Variants in FILIP1L observed in about 807,000 individuals in gnomAD.
The protein encoded by FILIP1L is filamin A-interacting protein 1-like.
In FILIP1L, 55 loss-of-function variants were observed where a neutral mutation model predicts 96.6. The ratio of observed to expected loss-of-function variants is 0.57; its 90% confidence interval spans 0.46 to 0.71. FILIP1L has a LOEUF of 0.71. Among genes scored for constraint, FILIP1L ranks in the 30% least tolerant of loss-of-function variants. The pLI is 0.00. For missense variants in FILIP1L, 1,304 were observed against 1,321.2 expected, an observed-to-expected ratio of 0.99 and a Z score of 0.20; for synonymous variants, 467 against 473.9, an observed-to-expected ratio of 0.99 and a Z score of 0.19.
intron 1 of FILIP1L, among the ~76,000 whole-genome samples, chr3:99,977,707 A>G (rs564764192): frequency 5.9e-5 from 9 of 152,206 alleles, no homozygotes; most frequent in Non-Finnish European, 1.3e-4. Flanking sequence ...TATCAGAAAA[A>G]TAAGAGAATG....
chr3:99,955,917 T>C (rs770984909), intron 1 of FILIP1L, among the ~76,000 whole-genome samples: 3 of 152,190 alleles, frequency 2.0e-5, no homozygotes, highest in Non-Finnish European at 2.9e-5. Context: ...ATAACCTATG[T>C]AGACTTCTTA....
intron 1 of FILIP1L, among the ~76,000 whole-genome samples, chr3:100,014,901 T>TA: frequency 7.0e-6 from 1 of 141,912 alleles, no homozygotes; most frequent in Non-Finnish European, 1.5e-5. Context: ...CTTTCTTTTT[T>TA]TTTTTTTTTT....
At chr3:99,886,662 A>C (rs1228189257) in intron 4 of FILIP1L, among the ~76,000 whole-genome samples, 1 of 152,202 alleles carries the variant, frequency 6.6e-6, no homozygotes, top group African/African-American at 2.4e-5. Context: ...TTTTAAAAAT[A>C]TCAGTTAGGT....
chr3:99,930,703 G>A, intron 2 of FILIP1L, 66 bp downstream of exon 2: 1 of 1,561,272 alleles, frequency 6.4e-7, no homozygotes, highest in Non-Finnish European at 8.8e-7. Flanking sequence ...TGTGGCAGCA[G>A]GAACACCAAA....
intron 1 of FILIP1L, among the ~76,000 whole-genome samples, chr3:100,073,812 AT>A (rs1195872040): frequency 6.6e-6 from 1 of 152,154 alleles, no homozygotes; most frequent in Non-Finnish European, 1.5e-5. Context: ...GGAGGGCTTT[AT>A]TAAGAATCTT....
intron 1 of FILIP1L, among the ~76,000 whole-genome samples, chr3:100,014,332 A>G (rs573139942): frequency 1.3e-5 from 2 of 152,138 alleles, no homozygotes; most frequent in East Asian, 3.9e-4. Flanking sequence ...CAAGATACTT[A>G]TTTCATTTCT....
chr3:100,091,979 T>C (rs1384975218), intron 1 of FILIP1L, among the ~76,000 whole-genome samples: 2 of 152,218 alleles, frequency 1.3e-5, no homozygotes, highest in Non-Finnish European at 2.9e-5. Context: ...CAGCTATCTG[T>C]CCTAGGGCAA....
intron 3 of FILIP1L, among the ~76,000 whole-genome samples, chr3:99,929,649 A>G (rs1037943057): frequency 1.2e-4 from 19 of 152,110 alleles, no homozygotes; most frequent in Non-Finnish European, 2.8e-4. Flanking sequence ...GGTTGATTCA[A>G]GCAACAAACC....
intron 4 of FILIP1L, among the ~76,000 whole-genome samples, chr3:99,870,854 G>A (rs1944754036): frequency 6.6e-6 from 1 of 152,188 alleles, no homozygotes; most frequent in Non-Finnish European, 1.5e-5. Flanking sequence ...TGCCCCGTAA[G>A]TGCATCTTCC....
At chr3:100,111,722 T>C (rs746529828) in intron 1 of FILIP1L, among the ~76,000 whole-genome samples, 2 of 152,236 alleles carry the variant, frequency 1.3e-5, no homozygotes, top group African/African-American at 2.4e-5. Flanking sequence ...ACTTCCTGTC[T>C]GACCCAATTC....
At chr3:100,054,279 A>T (rs1395966280) in intron 1 of FILIP1L, among the ~76,000 whole-genome samples, 1 of 152,116 alleles carries the variant, frequency 6.6e-6, no homozygotes, top group Non-Finnish European at 1.5e-5. Flanking sequence ...TGGTTTTTTG[A>T]AAGAACATGA....
intron 1 of FILIP1L, among the ~76,000 whole-genome samples, chr3:99,947,186 G>T (rs1187869397): frequency 6.6e-6 from 1 of 150,808 alleles, no homozygotes; most frequent in African/African-American, 2.4e-5. Flanking sequence ...CTGAAAAATG[G>T]GGAAGCAGGC....
At chr3:99,897,669 T>C (rs1412821364) in intron 4 of FILIP1L, among the ~76,000 whole-genome samples, 1 of 152,152 alleles carries the variant, frequency 6.6e-6, no homozygotes, top group Non-Finnish European at 1.5e-5. Flanking sequence ...AAAATTGTGT[T>C]TTTGAGATTT....
At chr3:100,066,295 A>C (rs1027645265) in intron 1 of FILIP1L, among the ~76,000 whole-genome samples, 1 of 152,196 alleles carries the variant, frequency 6.6e-6, no homozygotes, top group Non-Finnish European at 1.5e-5. Flanking sequence ...CTCATTTATA[A>C]AACCTCTTAC....
Position 100,080,124 on chromosome 3 carries a change from T to G in FILIP1L, c.-11+33929A>C, listed in dbSNP as rs570473887. The stretch of plus-strand genomic sequence containing the variant: ...TCTGCTGAAATAAGCTATTTTTCTT[T>G]TCTTTAATTAATAAAAAATTAAAAA... On this transcript the variant is annotated intron_variant, in intron 1 of 5. Coordinates refer to ENST00000477258, the MANE Select transcript of FILIP1L (RefSeq NM_001387850.1). 3.2e-3 allele frequency among the ~76,000 whole-genome samples: 490 copies of G among 152,232 alleles called. 3 individuals carry two copies. Among genetic ancestry groups the G allele is most frequent in the Non-Finnish European group, 5.3e-3 (362 of 68,012 alleles).
rs572402959 is a variant in FILIP1L at position 100,002,277 on chromosome 3, A to G, written c.-10-71247T>C. Among the ~76,000 whole-genome samples the G allele has an allele frequency of 3.9e-5, 6 of 152,350 alleles. No homozygotes were observed. The South Asian group carries it at 1.0e-3, about 26-fold the overall frequency. On this transcript the variant is annotated intron_variant, in intron 1 of 5. Coordinates refer to ENST00000477258, the MANE Select transcript of FILIP1L (RefSeq NM_001387850.1). ...GAGCATCTCTTTTAAGTTATGAATTATTATGAATTTTTTGTACCTTCAAAA... is the reference window on the plus strand; with the variant it reads ...GAGCATCTCTTTTAAGTTATGAATTGTTATGAATTTTTTGTACCTTCAAAA...
intron 1 of FILIP1L, among the ~76,000 whole-genome samples, chr3:99,990,136 A>C (rs1381782337): frequency 6.6e-6 from 1 of 152,198 alleles, no homozygotes; most frequent in African/African-American, 2.4e-5. Context: ...ATTGTATGCC[A>C]GATACTGCCT....
At chr3:99,858,660 T>G (rs1353863046) in intron 4 of FILIP1L, among the ~76,000 whole-genome samples, 1 of 152,208 alleles carries the variant, frequency 6.6e-6, no homozygotes, top group East Asian at 1.9e-4. Context: ...GTTTCACACA[T>G]TCCATTAGCT....
At chr3:100,016,055 C>G (rs972822745) in intron 1 of FILIP1L, among the ~76,000 whole-genome samples, 2 of 151,984 alleles carry the variant, frequency 1.3e-5, no homozygotes. Flanking sequence ...TTAGATGACC[C>G]AAGATTATTA....
Sources: allele counts gnomAD v4.1 joint callset (sites outside exome capture counted in the v4.1 genomes callset), GRCh38; gene constraint gnomAD v4.1.1; transcripts MANE v1.5; gene names NCBI Gene and HGNC (gene_info 2026-07-23, HGNC 2026-07-21).